CHMP3: variants seen among roughly 807,000 people sequenced by gnomAD.
The protein encoded by CHMP3 is 25.1 protein.
CHMP3 carries 8 observed loss-of-function variants against 27.4 expected under a neutral mutation model. The ratio of observed to expected loss-of-function variants is 0.29; its 90% CI spans 0.17 to 0.53. The LOEUF (loss-of-function observed/expected upper bound fraction) is 0.53, where lower values mean the gene tolerates loss of function less well. Among genes scored for constraint, CHMP3 ranks in the 20% least tolerant of loss-of-function variants. The pLI, the probability that CHMP3 is intolerant of heterozygous loss-of-function variation, is 0.96. For missense variants in CHMP3, 208 were observed against 271.5 expected, an observed-to-expected ratio of 0.77 and a Z score of 1.64; for synonymous variants, 86 against 85.5, an observed-to-expected ratio of 1.01 and a Z score of -0.03.
intron 1 of CHMP3, among the ~76,000 whole-genome samples, chr2:86,555,508 A>G (rs73946244): frequency 6.6e-6 from 1 of 150,960 alleles, no homozygotes; most frequent in Non-Finnish European, 1.5e-5. Flanking sequence ...CTCAAAAAAA[A>G]AAATAAATAA....
At chr2:86,519,979 G>C (rs991599462) in intron 3 of CHMP3, among the ~76,000 whole-genome samples, 8 of 151,958 alleles carry the variant, frequency 5.3e-5, no homozygotes, top group African/African-American at 1.9e-4. Flanking sequence ...TTTATTTAAC[G>C]GCTCAAATTT....
intron 1 of CHMP3, chr2:86,562,619 TG>T (rs1677418336): frequency 6.6e-6 from 1 of 152,174 alleles, no homozygotes; most frequent in Non-Finnish European, 1.5e-5. Context: ...AGAGCTGAGA[TG>T]TGGGAAGGCA....
intron 5 of CHMP3, among the ~76,000 whole-genome samples, chr2:86,506,486 T>C (rs553610287): frequency 1.5e-4 from 23 of 152,304 alleles, no homozygotes; most frequent in Non-Finnish European, 2.8e-4. Flanking sequence ...TGTATTTCAG[T>C]AAAAAGGCTT....
intron 1 of CHMP3, among the ~76,000 whole-genome samples, chr2:86,546,118 C>T (rs1397324403): frequency 2.0e-5 from 3 of 152,114 alleles, no homozygotes; most frequent in Admixed American, 1.3e-4. Flanking sequence ...CCCAGCACCT[C>T]GGGAGGCCGA....
At chr2:86,510,211 A>G (rs2276624) in intron 4 of CHMP3, 147 bp downstream of exon 4, 32,860 of 1,300,658 alleles carry the variant, frequency 0.025, 676 homozygotes, top group African/African-American at 0.085. Flanking sequence ...AATGGTTTCA[A>G]TCAATGTTAA....
At chr2:86,552,515 T>C (rs1165066037) in intron 1 of CHMP3, among the ~76,000 whole-genome samples, 1 of 152,218 alleles carries the variant, frequency 6.6e-6, no homozygotes, top group Non-Finnish European at 1.5e-5. Flanking sequence ...TGTTAATGTG[T>C]CTAAGTGAAG....
intron 2 of CHMP3, among the ~76,000 whole-genome samples, chr2:86,537,977 G>C (rs7593151): frequency 6.6e-6 from 1 of 151,962 alleles, no homozygotes; most frequent in Non-Finnish European, 1.5e-5. Context: ...TCCATCTTCA[G>C]AGCAGCATTA....
chr2:86,523,838 C>T (rs1675606525), intron 3 of CHMP3, among the ~76,000 whole-genome samples: 1 of 152,040 alleles, frequency 6.6e-6, no homozygotes. Context: ...GACAATACTG[C>T]ACCAACGAGG....
chr2:86,518,490 C>G (rs1291533250), intron 3 of CHMP3, among the ~76,000 whole-genome samples: 1 of 151,896 alleles, frequency 6.6e-6, no homozygotes, highest in Non-Finnish European at 1.5e-5. Flanking sequence ...TAACTTGAAG[C>G]AGTTTATTAA....
intron 3 of CHMP3, among the ~76,000 whole-genome samples, chr2:86,519,511 C>A (rs955036330): frequency 6.6e-6 from 1 of 152,102 alleles, no homozygotes; most frequent in Non-Finnish European, 1.5e-5. Flanking sequence ...GGGAAGACTG[C>A]CTCATGTCAC....
intron 1 of CHMP3, among the ~76,000 whole-genome samples, chr2:86,543,036 C>G (rs1481667773): frequency 6.6e-6 from 1 of 152,142 alleles, no homozygotes; most frequent in Non-Finnish European, 1.5e-5. Context: ...GACTCAGAAG[C>G]TCAAAAAACT....
chr2:86,522,352 A>G (rs1371132039), intron 3 of CHMP3, among the ~76,000 whole-genome samples: 1 of 152,110 alleles, frequency 6.6e-6, no homozygotes, highest in Non-Finnish European at 1.5e-5. Flanking sequence ...GCCTTGTCCC[A>G]AGTTCTATCC....
At chr2:86,547,826 T>A (rs1055991086) in intron 1 of CHMP3, among the ~76,000 whole-genome samples, 2 of 152,192 alleles carry the variant, frequency 1.3e-5, no homozygotes, top group Non-Finnish European at 2.9e-5. Flanking sequence ...ACATAACGTG[T>A]ACAGAATAAA....
At chr2:86,526,314 G>A (rs1423962376) in intron 3 of CHMP3, among the ~76,000 whole-genome samples, 1 of 152,200 alleles carries the variant, frequency 6.6e-6, no homozygotes, top group Non-Finnish European at 1.5e-5. Flanking sequence ...CTCGAGTTTA[G>A]TAGCTCTGAG....
chr2:86,541,829 C>A (rs1185755173), intron 2 of CHMP3, among the ~76,000 whole-genome samples: 1 of 152,020 alleles, frequency 6.6e-6, no homozygotes, highest in African/African-American at 2.4e-5. Flanking sequence ...GTGTTAAAAA[C>A]CTTAAAAGTT....
intron 3 of CHMP3, among the ~76,000 whole-genome samples, chr2:86,517,421 C>T (rs1675354337): frequency 6.6e-6 from 1 of 151,908 alleles, no homozygotes; most frequent in African/African-American, 2.4e-5. Flanking sequence ...AAAAAATTAG[C>T]TGGGTGTGGT....
intron 1 of CHMP3, among the ~76,000 whole-genome samples, chr2:86,557,050 C>A (rs56249372): frequency 6.6e-6 from 1 of 152,272 alleles, no homozygotes; most frequent in East Asian, 1.9e-4. Context: ...GCTGAGGACA[C>A]AAAGCAGAAG....
intron 2 of CHMP3, among the ~76,000 whole-genome samples, chr2:86,537,751 G>C (rs1468216308): frequency 2.0e-5 from 3 of 152,060 alleles, no homozygotes; most frequent in African/African-American, 7.2e-5. Flanking sequence ...CATTCCCTGG[G>C]CACGCACAGT....
At chr2:86,548,855 G>A (rs1200962505) in intron 1 of CHMP3, among the ~76,000 whole-genome samples, 7 of 148,622 alleles carry the variant, frequency 4.7e-5, no homozygotes, top group Non-Finnish European at 8.9e-5. Context: ...GGTGGTGGCC[G>A]GGCAGAGGCG....
Sources: allele counts gnomAD v4.1 joint callset (sites outside exome capture counted in the v4.1 genomes callset), GRCh38; gene constraint gnomAD v4.1.1; transcripts MANE v1.5; gene names NCBI Gene and HGNC (gene_info 2026-07-23, HGNC 2026-07-21).